Variants in ANO2 observed in about 807,000 individuals in gnomAD.
The protein encoded by ANO2 is anoctamin-2.
In ANO2, 101 loss-of-function variants were observed where a neutral mutation model predicts 124.2. The observed-to-expected ratio is 0.81, with a 90% CI of 0.69 to 0.96. The LOEUF is 0.96. Ranked by LOEUF, ANO2 falls within the 40% of genes least tolerant of loss-of-function variation. ANO2 has a pLI of 0.00. For missense variants in ANO2, 1,293 were observed against 1,274.5 expected (o/e 1.01, Z -0.22); for synonymous variants, 486 against 482.5 (o/e 1.01, Z -0.09).
intron 1 of ANO2, among the ~76,000 whole-genome samples, chr12:5,931,209 C>T (rs1446840891): frequency 6.6e-6 from 1 of 152,070 alleles, no homozygotes; most frequent in Admixed American, 6.6e-5. Flanking sequence ...CGCACCTACC[C>T]GTCTGGACCA....
At chr12:5,912,995 A>T (rs1941145727) in intron 3 of ANO2, among the ~76,000 whole-genome samples, 1 of 152,128 alleles carries the variant, frequency 6.6e-6, no homozygotes. Context: ...CCCACTCCAG[A>T]GGAGAAAATA....
intron 14 of ANO2, among the ~76,000 whole-genome samples, chr12:5,648,423 G>A (rs1333383476): frequency 6.6e-6 from 1 of 152,196 alleles, no homozygotes; most frequent in Non-Finnish European, 1.5e-5. Flanking sequence ...CACAGGTTAA[G>A]CTGATCCATT....
At chr12:5,627,938 TA>T (rs35997233) in intron 16 of ANO2, among the ~76,000 whole-genome samples, 4,770 of 145,136 alleles carry the variant, frequency 0.033, 158 homozygotes, top group East Asian at 0.16. Context: ...TACAAAAAGT[TA>T]AAAAAAAAAA....
At chr12:5,665,881 G>C (rs1000742976) in intron 14 of ANO2, among the ~76,000 whole-genome samples, 1 of 151,974 alleles carries the variant, frequency 6.6e-6, no homozygotes, top group Admixed American at 6.6e-5. Flanking sequence ...TGTGCCACTG[G>C]CTGGGGGATT....
rs146384493 is a variant in ANO2, at chr12:5,853,277, C to T, written c.633+766G>A. Among the ~76,000 whole-genome samples the T allele has an allele frequency of 2.5e-3, 372 of 149,416 alleles. 4 individuals are homozygous for T. The highest frequency in any genetic ancestry group is 8.5e-3 in the African/African-American group (345 of 40,616). On this transcript the variant is annotated intron_variant, in intron 4 of 24. Coordinates refer to ENST00000682330, the MANE Select transcript of ANO2 (RefSeq NM_001364791.2). ...TCTCCCCAACAAAGTGCTGGGATTA[C>T]AGGTGTGAGCCACCGTTCCTGGCCT...
At chr12:5,853,166 A>T (rs1261561577) in intron 4 of ANO2, among the ~76,000 whole-genome samples, 1 of 140,062 alleles carries the variant, frequency 7.1e-6, no homozygotes, top group Non-Finnish European at 1.5e-5. Context: ...CCCTGGGTAG[A>T]TTTTTTTTTT....
chr12:5,623,711 C>T (rs1259407000), intron 16 of ANO2, among the ~76,000 whole-genome samples: 1 of 152,224 alleles, frequency 6.6e-6, no homozygotes, highest in African/African-American at 2.4e-5. Context: ...GTGTCTTCGA[C>T]AGCCCAGCTG....
rs146542192 is a variant in ANO2 at position 5,718,221 on chromosome 12, A to C, written c.1545+14299T>G. Among the ~76,000 whole-genome samples the C allele has an allele frequency of 2.1e-3, 325 of 152,380 alleles. 2 individuals carry two copies. Among genetic ancestry groups the C allele is most frequent in the African/African-American group, 6.8e-3 (283 of 41,586 alleles). On this transcript the variant is annotated intron_variant, in intron 14 of 24. Coordinates refer to ENST00000682330, the MANE Select transcript of ANO2 (RefSeq NM_001364791.2). ...GACATGTCCCTCACTGAAACAGAGC[A>C]AAAACATCAAACGTTAGCAAGCCTA...
At chr12:5,852,487 T>C (rs2137251853) in intron 4 of ANO2, among the ~76,000 whole-genome samples, 1 of 152,330 alleles carries the variant, frequency 6.6e-6, no homozygotes, top group South Asian at 2.1e-4. Flanking sequence ...TTATTGTCCA[T>C]TGTAATAAAT....
intron 14 of ANO2, among the ~76,000 whole-genome samples, chr12:5,717,287 CAGAGAA>C (rs1950058362): frequency 6.6e-6 from 1 of 152,186 alleles, no homozygotes; most frequent in Non-Finnish European, 1.5e-5. Flanking sequence ...GCGCATTTGT[CAGAGAA>C]AATGGAATGC....
At chr12:5,592,095 A>G (rs1943422292) in intron 20 of ANO2, among the ~76,000 whole-genome samples, 1 of 152,208 alleles carries the variant, frequency 6.6e-6, no homozygotes, top group Non-Finnish European at 1.5e-5. Context: ...GCACATTAAA[A>G]ATTACACAAA....
rs1029295938 is a variant in ANO2, at chr12:5,832,681, A to C, written c.634-78T>G. 1.7e-5 allele frequency: 25 copies of C among 1,433,922 alleles called. 1 individual carries two copies. In the African/African-American group the frequency reaches 1.9e-4, roughly 11 times the overall value. 88.8% of individuals were successfully genotyped at this position (1,433,922 alleles called of 1,614,324 possible). ...GAATGGCTTCACAAAAAAAAGCTGCATGGACACAGATTCCCAGAGGTGAAC... is the reference window on the plus strand; with the variant it reads ...GAATGGCTTCACAAAAAAAAGCTGCCTGGACACAGATTCCCAGAGGTGAAC... On this transcript the variant is annotated intron_variant, in intron 4 of 24. Transcript: ENST00000682330.
chr12:5,652,976 GT>G (rs1412461502), intron 14 of ANO2, among the ~76,000 whole-genome samples: 1 of 152,146 alleles, frequency 6.6e-6, no homozygotes, highest in Non-Finnish European at 1.5e-5. Flanking sequence ...ATTCTCCTAG[GT>G]TTTTAATCCA....
rs201704045 is a variant in ANO2 at position 5,941,901 on chromosome 12, T to C, written c.22+3295A>G. On this transcript the variant is annotated intron_variant, in intron 1 of 24. Transcript: ENST00000682330. ...GGAAAAAAAGCTATCAAACCATTCA[T>C]CTATATCCAATGAAGTATCCTTCAA... Among the ~76,000 whole-genome samples, 6 of 152,112 alleles carry C rather than the reference T, an allele frequency of 3.9e-5. No individual in the cohort carries two copies. In the East Asian group the frequency reaches 1.2e-3, roughly 29 times the overall value.
At chr12:5,923,174 GCACA>G (rs1162670995) in intron 1 of ANO2, among the ~76,000 whole-genome samples, 5 of 8,880 alleles carry the variant, frequency 5.6e-4, no homozygotes, top group South Asian at 5.3e-3. Context: ...ACACACACAC[GCACA>G]CACACATACA....
chr12:5,869,339 C>T (rs1955511544), intron 3 of ANO2, among the ~76,000 whole-genome samples: 1 of 152,168 alleles, frequency 6.6e-6, no homozygotes, highest in Admixed American at 6.5e-5. Context: ...CATCATTCCA[C>T]ATCTGACTCT....
intron 3 of ANO2, among the ~76,000 whole-genome samples, chr12:5,903,222 G>A (rs1238799610): frequency 6.6e-6 from 1 of 152,006 alleles, no homozygotes; most frequent in Non-Finnish European, 1.5e-5. Flanking sequence ...CAACTTACAG[G>A]TAGGTCATCC....
chr12:5,738,103 C>A (rs552208270), intron 13 of ANO2, among the ~76,000 whole-genome samples: 1 of 152,212 alleles, frequency 6.6e-6, no homozygotes, highest in African/African-American at 2.4e-5. Flanking sequence ...CACTTTCAGG[C>A]AGCACACCCT....
intron 14 of ANO2, among the ~76,000 whole-genome samples, chr12:5,709,707 T>A (rs1949741430): frequency 6.6e-6 from 1 of 152,222 alleles, no homozygotes; most frequent in Non-Finnish European, 1.5e-5. Context: ...GAGAGTCTAT[T>A]CATATTTTCT....
Sources: allele counts gnomAD v4.1 joint callset (sites outside exome capture counted in the v4.1 genomes callset), GRCh38; gene constraint gnomAD v4.1.1; transcripts MANE v1.5; gene names NCBI Gene and HGNC (gene_info 2026-07-23, HGNC 2026-07-21).